CALN1: variants seen among roughly 807,000 people sequenced by gnomAD.
CALN1 encodes the protein calcium-binding protein 8.
A neutral mutation model predicts 30.6 loss-of-function variants in CALN1; 17 were observed. The observed-to-expected ratio is 0.56, with a 90% CI of 0.38 to 0.83. The LOEUF is 0.83. Ranked by LOEUF, CALN1 falls within the 40% of genes least tolerant of loss-of-function variation. The pLI is 0.00. For synonymous variants in CALN1, 156 were observed against 131.4 expected, an observed-to-expected ratio of 1.19 and a Z score of -1.28; for missense variants, 291 against 354.9, an observed-to-expected ratio of 0.82 and a Z score of 1.45.
At chr7:72,223,441 G>A (rs561788489) in intron 3 of CALN1, among the ~76,000 whole-genome samples, 101 of 152,206 alleles carry the variant, frequency 6.6e-4, no homozygotes, top group East Asian at 2.3e-3. Context: ...ATTTTTTGAT[G>A]GATATGGCTT....
the CALN1 span, among the ~76,000 whole-genome samples, chr7:72,475,435 G>T: frequency 0.14 from 21,109 of 152,014 alleles, 3,082 homozygotes; most frequent in African/African-American, 0.37. Context: ...CTCCGGCCTG[G>T]GCGACAGAGT....
chr7:72,116,643 A>C (rs1481405339), intron 3 of CALN1, among the ~76,000 whole-genome samples: 1 of 152,162 alleles, frequency 6.6e-6, no homozygotes, highest in Non-Finnish European at 1.5e-5. Context: ...GTTAGCTGCA[A>C]GTATTAATCT....
intron 2 of CALN1, among the ~76,000 whole-genome samples, chr7:72,344,235 A>T (rs1332303716): frequency 6.6e-6 from 1 of 151,972 alleles, no homozygotes; most frequent in Non-Finnish European, 1.5e-5. Context: ...GAGACAAGCC[A>T]CCCCCACCAT....
chr7:72,498,221 T>G, the CALN1 span, among the ~76,000 whole-genome samples: 6 of 152,142 alleles, frequency 3.9e-5, no homozygotes, highest in Admixed American at 6.6e-5. Flanking sequence ...TAATGTGTAT[T>G]TGCCATCTCA....
chr7:72,088,104 G>T (rs1198766563), intron 4 of CALN1, among the ~76,000 whole-genome samples: 1 of 152,076 alleles, frequency 6.6e-6, no homozygotes, highest in African/African-American at 2.4e-5. Flanking sequence ...GGAGTTTGAG[G>T]TTACAGTGAG....
At chr7:72,255,258 T>C (rs1205688056) in intron 3 of CALN1, among the ~76,000 whole-genome samples, 1 of 150,874 alleles carries the variant, frequency 6.6e-6, no homozygotes, top group Admixed American at 6.6e-5. Flanking sequence ...GCTAATTCTG[T>C]TTGTTTATAT....
At chr7:71,796,058 C>G (rs1404874590) in intron 6 of CALN1, among the ~76,000 whole-genome samples, 1 of 151,854 alleles carries the variant, frequency 6.6e-6, no homozygotes, top group Non-Finnish European at 1.5e-5. Flanking sequence ...ATCTCCTGAC[C>G]TCGTGATCCA....
intron 1 of CALN1, among the ~76,000 whole-genome samples, chr7:72,409,511 CTCAT>C (rs748568402): frequency 6.8e-6 from 1 of 147,846 alleles, no homozygotes; most frequent in Admixed American, 6.7e-5. Flanking sequence ...ACTGGCCAAC[CTCAT>C]TATTTCAGCG....
At chr7:72,397,842 A>G (rs1279852297) in intron 2 of CALN1, among the ~76,000 whole-genome samples, 2 of 152,104 alleles carry the variant, frequency 1.3e-5, no homozygotes, top group African/African-American at 4.8e-5. Context: ...AAAAAAAATT[A>G]AACACCATTG....
At chr7:72,106,989 GGAAA>G (rs906461001) in intron 3 of CALN1, among the ~76,000 whole-genome samples, 20 of 147,854 alleles carry the variant, frequency 1.4e-4, no homozygotes, top group African/African-American at 4.6e-4. Context: ...AAGAAAGAAA[GGAAA>G]GAAAGAAAAA....
chr7:72,130,852 CCACAAAG>C (rs1437334245), intron 3 of CALN1, among the ~76,000 whole-genome samples: 1 of 151,130 alleles, frequency 6.6e-6, no homozygotes, highest in Non-Finnish European at 1.5e-5. Flanking sequence ...TCCCAGTATT[CCACAAAG>C]CACATATTTT....
chr7:72,299,088 T>C (rs939457143), intron 2 of CALN1, among the ~76,000 whole-genome samples: 48 of 152,278 alleles, frequency 3.2e-4, no homozygotes, highest in Non-Finnish European at 5.9e-4. Flanking sequence ...TACCTCCCAG[T>C]GTGAGATGCT....
intron 5 of CALN1, among the ~76,000 whole-genome samples, chr7:71,899,070 G>A (rs1793704306): frequency 6.6e-6 from 1 of 150,450 alleles, no homozygotes; most frequent in Non-Finnish European, 1.5e-5. Context: ...AAAATATAAA[G>A]AAAAATTCCA....
chr7:72,410,818 C>G (rs1291053865), intron 1 of CALN1, among the ~76,000 whole-genome samples: 1 of 152,120 alleles, frequency 6.6e-6, no homozygotes, highest in African/African-American at 2.4e-5. Context: ...TCTTACTTTC[C>G]AAGAAGCACT....
intron 2 of CALN1, among the ~76,000 whole-genome samples, chr7:72,318,212 G>A (rs956922970): frequency 6.6e-6 from 1 of 152,128 alleles, no homozygotes; most frequent in Non-Finnish European, 1.5e-5. Flanking sequence ...TATTCTTAAA[G>A]GGTCCCATTA....
intron 1 of CALN1, among the ~76,000 whole-genome samples, chr7:72,431,419 T>C (rs1368919102): frequency 6.6e-6 from 1 of 152,106 alleles, no homozygotes. Flanking sequence ...CACACATGTG[T>C]ACACCCACAT....
chr7:72,061,307 A>G (rs1302731308), intron 4 of CALN1, among the ~76,000 whole-genome samples: 3 of 152,236 alleles, frequency 2.0e-5, no homozygotes, highest in African/African-American at 7.2e-5. Flanking sequence ...GACGCTACAG[A>G]CACAGTTGTT....
chr7:71,820,019 G>A lies in CALN1; in HGVS notation c.502-9527C>T, dbSNP rs182436264. ...TACCCTCCTCCCTTTTGGAATTCAG[G>A]CCCAAATATTAAAGTTAATTAATGT... On this transcript the variant is annotated intron_variant, in intron 5 of 6. Coordinates refer to ENST00000395275, the MANE Select transcript of CALN1 (RefSeq NM_031468.4). Among the ~76,000 whole-genome samples the A allele has an allele frequency of 3.6e-3, 553 of 152,156 alleles. 4 individuals carry two copies. The highest frequency in any genetic ancestry group is 0.012 in the African/African-American group (514 of 41,528).
At chr7:71,924,969 A>C (rs1795185224) in intron 5 of CALN1, among the ~76,000 whole-genome samples, 1 of 152,228 alleles carries the variant, frequency 6.6e-6, no homozygotes, top group Admixed American at 6.5e-5. Flanking sequence ...GGCCGGGTGC[A>C]GTGGCTCACG....
Sources: allele counts gnomAD v4.1 joint callset (sites outside exome capture counted in the v4.1 genomes callset), GRCh38; gene constraint gnomAD v4.1.1; transcripts MANE v1.5; gene names NCBI Gene and HGNC (gene_info 2026-07-23, HGNC 2026-07-21).